The following IQCE variants were observed in gnomAD, a reference collection of about 807,000 sequenced individuals.
The protein encoded by IQCE is IQ domain-containing protein E.
Under a neutral mutation model 96.0 loss-of-function variants are expected in IQCE, and 115 were observed. The observed-to-expected ratio is 1.20, with a 90% confidence interval of 1.03 to 1.40. The LOEUF (loss-of-function observed/expected upper bound fraction) is 1.40, where lower values mean the gene tolerates loss of function less well. IQCE is among the 40% of genes most tolerant of loss of function. The probability of loss-of-function intolerance (pLI) is 0.00; values close to 1 mark genes in which losing one functional copy is unlikely to be tolerated. For synonymous variants in IQCE, 412 were observed against 371.2 expected (o/e 1.11, Z -1.26); for missense variants, 1,041 against 909.1 (o/e 1.15, Z -1.87).
At chr7:2,593,180 T>C (rs1783747215) in intron 15 of IQCE, 54 bp downstream of exon 15, 1 of 1,548,054 alleles carries the variant, frequency 6.5e-7, no homozygotes, top group Admixed American at 1.8e-5. Flanking sequence ...GCACTCCTGC[T>C]ACCACTGCGG....
At chr7:2,609,030 A>C (rs1188955481) in intron 21 of IQCE, among the ~76,000 whole-genome samples, 1 of 152,016 alleles carries the variant, frequency 6.6e-6, no homozygotes, top group African/African-American at 2.4e-5. Flanking sequence ...TTACTTTTTT[A>C]CTTTCGTCTT....
chr7:2,567,465 G>A (rs920848405), intron 2 of IQCE, among the ~76,000 whole-genome samples: 1 of 152,228 alleles, frequency 6.6e-6, no homozygotes, highest in African/African-American at 2.4e-5. Context: ...TGACACTTGA[G>A]GGGAGGAGGA....
At chr7:2,560,543 G>A (rs926689439) in intron 1 of IQCE, among the ~76,000 whole-genome samples, 1 of 152,234 alleles carries the variant, frequency 6.6e-6, no homozygotes, top group Non-Finnish European at 1.5e-5. Flanking sequence ...GTCTCATCTG[G>A]AGGGCCTGCC....
intron 14 of IQCE, among the ~76,000 whole-genome samples, chr7:2,592,811 C>T (rs575890698): frequency 1.3e-5 from 2 of 152,350 alleles, no homozygotes; most frequent in East Asian, 1.9e-4. Context: ...TGATCCCCTG[C>T]ACACAGCAGG....
At chr7:2,572,770 C>T in intron 5 of IQCE, 1 of 455,802 alleles carries the variant, frequency 2.2e-6, no homozygotes, top group South Asian at 1.6e-5. Flanking sequence ...TCTCAAATTC[C>T]TGGACTCAAG....
chr7:2,603,845 G>A (rs1039610899), intron 18 of IQCE, among the ~76,000 whole-genome samples: 12 of 152,218 alleles, frequency 7.9e-5, no homozygotes, highest in East Asian at 1.9e-4. Flanking sequence ...CATGGGGCTC[G>A]GTGGGCATGC....
intron 5 of IQCE, chr7:2,572,934 A>G: frequency 8.9e-6 from 3 of 337,974 alleles, no homozygotes; most frequent in Non-Finnish European, 1.1e-5. Context: ...TACTCCAGGA[A>G]TTGATTACCT....
chr7:2,609,931 G>A lies in IQCE; in HGVS notation c.1970-113G>A, dbSNP rs145345943. On this transcript the variant is annotated intron_variant, in intron 21 of 21. Transcript: ENST00000402050. Reference sequence around the variant, plus strand: ...TGTGCCCCATGGCTTACTGCTTCTCGGGGTGGCTGCCGTCTTGCCTGCCGG... The same window carrying A: ...TGTGCCCCATGGCTTACTGCTTCTCAGGGTGGCTGCCGTCTTGCCTGCCGG... The A allele has an allele frequency of 2.4e-4, 162 of 671,742 alleles. 1 individual carries two copies. The highest frequency in any genetic ancestry group is 2.6e-4 in the South Asian group (15 of 58,562). 41.6% of individuals were successfully genotyped at this position (671,742 alleles called of 1,614,324 possible).
intron 17 of IQCE, among the ~76,000 whole-genome samples, chr7:2,599,976 T>C (rs1784326311): frequency 6.6e-6 from 1 of 152,022 alleles, no homozygotes; most frequent in South Asian, 2.1e-4. Context: ...GTATTTTTAT[T>C]AGAGACAGGG....
chr7:2,573,392 G>C (rs1781896861), intron 5 of IQCE, 26 bp from the exon 6 acceptor site: 3 of 1,139,482 alleles, frequency 2.6e-6, no homozygotes, highest in South Asian at 2.5e-5. Flanking sequence ...GATAGTCTTT[G>C]AAACGATTTG....
chr7:2,577,323 G>A (rs947432617), intron 6 of IQCE, among the ~76,000 whole-genome samples: 7 of 151,420 alleles, frequency 4.6e-5, no homozygotes, highest in African/African-American at 1.5e-4. Flanking sequence ...ATGTGTGTGC[G>A]GCGTATACAC....
At chr7:2,560,518 AG>A (rs1562611802) in intron 1 of IQCE, among the ~76,000 whole-genome samples, 1 of 152,236 alleles carries the variant, frequency 6.6e-6, no homozygotes, top group Non-Finnish European at 1.5e-5. Flanking sequence ...CTTGTTCCCC[AG>A]GGCACCACGT....
chr7:2,573,242 C>T (rs1441843782), intron 5 of IQCE, among the ~76,000 whole-genome samples, 176 bp from the exon 6 acceptor site: 1 of 152,118 alleles, frequency 6.6e-6, no homozygotes, highest in African/African-American at 2.4e-5. Flanking sequence ...GCTTTTCTTG[C>T]TACTTGGTGT....
At chr7:2,572,792 C>T (rs765310511) in intron 5 of IQCE, 6 of 452,926 alleles carry the variant, frequency 1.3e-5, no homozygotes, top group Non-Finnish European at 2.2e-5. Flanking sequence ...GATCCTCTCA[C>T]CTTGGCCTCC....
intron 14 of IQCE, among the ~76,000 whole-genome samples, chr7:2,592,132 C>T (rs893029739): frequency 2.0e-5 from 3 of 152,212 alleles, no homozygotes; most frequent in South Asian, 2.1e-4. Context: ...AAAACTTGGC[C>T]GGTGCCTCCC....
chr7:2,583,375 C>G (rs1416230001), intron 9 of IQCE, among the ~76,000 whole-genome samples: 1 of 152,172 alleles, frequency 6.6e-6, no homozygotes, highest in African/African-American at 2.4e-5. Context: ...AAGAATATCT[C>G]TGGAAAAGCT....
intron 18 of IQCE, 59 bp downstream of exon 18, chr7:2,601,523 T>C (rs1784432457): frequency 1.7e-6 from 2 of 1,173,910 alleles, no homozygotes; most frequent in African/African-American, 1.5e-5. Context: ...GAAAAGTAGG[T>C]GAGGGGATAT....
chr7:2,565,637 G>A (rs1781316280), intron 1 of IQCE, among the ~76,000 whole-genome samples: 1 of 152,106 alleles, frequency 6.6e-6, no homozygotes, highest in Admixed American at 6.5e-5. Context: ...GGCTGACTTG[G>A]CTTTTCTGAT....
In IQCE at chr7:2,594,974, A is replaced by G. The variant is rs755517967; in HGVS notation, c.1438A>G (p.Lys480Glu). The G allele has an allele frequency of 6.2e-7, 1 of 1,605,042 alleles. No individual in the cohort carries two copies. The highest frequency in any genetic ancestry group is 8.5e-7 in the Non-Finnish European group (1 of 1,171,796). Reference sequence around the variant, plus strand: ...AGAGGATTGCCCGGAAGTTCCTCATAAGGTACAGTGACCATTCAGTTGAGT... The same window carrying G: ...AGAGGATTGCCCGGAAGTTCCTCATGAGGTACAGTGACCATTCAGTTGAGT... ...EKEDCPEVPHKAQELPAPTPS... is the reference protein window; with the variant it reads ...EKEDCPEVPHEAQELPAPTPS... The change falls in exon 16 of 22, where the codon AAG becomes GAG. Residue 480 changes from lysine to glutamate, a missense_variant and splice_region_variant. Physicochemically the swap from Lys to Glu is moderately conservative, Grantham distance 56 (BLOSUM62 1). Transcript: ENST00000402050.
Sources: gnomAD v4.1 joint callset for allele counts (sites outside exome capture counted in the v4.1 genomes callset) on GRCh38, gnomAD v4.1.1 for gene constraint, MANE v1.5 for transcripts, NCBI Gene and HGNC (gene_info 2026-07-23, HGNC 2026-07-21) for gene names.